The following FAM171A1 variants were observed in gnomAD, a reference collection of about 807,000 sequenced individuals.
The protein encoded by FAM171A1 is protein FAM171A1.
Under a neutral mutation model 74.9 loss-of-function variants are expected in FAM171A1, and 23 were observed. The ratio of observed to expected loss-of-function variants is 0.31; its 90% CI spans 0.22 to 0.44. The LOEUF (loss-of-function observed/expected upper bound fraction) is 0.44, where lower values mean the gene tolerates loss of function less well. Ranked by LOEUF, FAM171A1 falls within the 20% of genes least tolerant of loss-of-function variation. The pLI is 1.00. For synonymous variants in FAM171A1, 527 were observed against 505.7 expected, an observed-to-expected ratio of 1.04 and a Z score of -0.57; for missense variants, 1,162 against 1,159.2, an observed-to-expected ratio of 1.00 and a Z score of -0.03.
At chr10:15,332,907 TA>T (rs1296903194) in intron 1 of FAM171A1, among the ~76,000 whole-genome samples, 1 of 120,672 alleles carries the variant, frequency 8.3e-6, no homozygotes, top group Admixed American at 9.1e-5. Flanking sequence ...TATAATCTAT[TA>T]AAGGGTGTTC....
chr10:15,370,874 CCCG>C (rs564269771), intron 1 of FAM171A1, 79 bp downstream of exon 1: 3,205 of 648,968 alleles, frequency 4.9e-3, no homozygotes, highest in Non-Finnish European at 5.4e-3. Context: ...CCGGGACCCT[CCCG>C]CCGCCGCCGC....
At chr10:15,304,244 T>C (rs1835266861) in intron 1 of FAM171A1, among the ~76,000 whole-genome samples, 1 of 152,184 alleles carries the variant, frequency 6.6e-6, no homozygotes, top group East Asian at 1.9e-4. Context: ...ATTGTGTCTT[T>C]GTGTTCTCTA....
intron 5 of FAM171A1, among the ~76,000 whole-genome samples, chr10:15,233,555 T>TGC (rs1554832525): frequency 2.0e-5 from 3 of 149,154 alleles, no homozygotes; most frequent in African/African-American, 4.9e-5. Context: ...TGTGTGTGTG[T>TGC]GCATGTGTGT....
At position 15,274,643 on chromosome 10, in the gene FAM171A1, A is replaced by C. The variant is rs189296772; in HGVS notation, c.418+1212T>G. Among the ~76,000 whole-genome samples the C allele has an allele frequency of 4.7e-3, 718 of 152,340 alleles. 4 individuals carry two copies. Among genetic ancestry groups the C allele is most frequent in the African/African-American group, 0.015 (642 of 41,578 alleles). On this transcript the variant is annotated intron_variant, in intron 3 of 7. Transcript: ENST00000378116. ...CTACCTGACTTCAAACTATACTACA[A>C]GGTTACAGTAACCAAAACAGCATGG...
intron 5 of FAM171A1, among the ~76,000 whole-genome samples, chr10:15,237,020 G>C (rs1834300048): frequency 6.6e-6 from 1 of 152,196 alleles, no homozygotes; most frequent in Non-Finnish European, 1.5e-5. Context: ...TTGAACCTGG[G>C]AGGCAGAGTG....
chr10:15,323,622 A>G (rs1448545947), intron 1 of FAM171A1, among the ~76,000 whole-genome samples: 1 of 152,222 alleles, frequency 6.6e-6, no homozygotes, highest in Non-Finnish European at 1.5e-5. Context: ...ATAGAATTAG[A>G]AAAAGGGGAG....
At position 15,292,715 on chromosome 10, in the gene FAM171A1, G is replaced by T. The variant is rs7920015; in HGVS notation, c.98-8610C>A. Among the ~76,000 whole-genome samples the T allele has an allele frequency of 4.0e-3, 606 of 152,096 alleles. 4 individuals carry two copies. The highest frequency in any genetic ancestry group is 0.014 in the African/African-American group (563 of 41,492). On this transcript the variant is annotated intron_variant, in intron 1 of 7. Transcript: ENST00000378116. ...TGCCCGGGCTGGTCTTGAACTCCCG[G>T]ACTCAAGCAATCCACCCGTCTCGTC...
intron 4 of FAM171A1, among the ~76,000 whole-genome samples, chr10:15,253,285 T>A (rs1834533383): frequency 6.6e-6 from 1 of 152,200 alleles, no homozygotes; most frequent in Non-Finnish European, 1.5e-5. Context: ...ATTACAGGCA[T>A]GAGCCACCGC....
Position 15,330,713 on chromosome 10 carries a change from C to CTTTTT in FAM171A1, c.97+40238_97+40242dup, listed in dbSNP as rs898772126. Among the ~76,000 whole-genome samples the CTTTTT allele has an allele frequency of 9.9e-4, 76 of 76,756 alleles. 1 individual carries two copies. The highest frequency in any genetic ancestry group is 1.2e-3 in the Non-Finnish European group (54 of 44,418). The allele number at this position is 76,756 out of a possible 152,430, so 50.4% of individuals were successfully genotyped here. On this transcript the variant is annotated intron_variant, in intron 1 of 7. Transcript: ENST00000378116. Reference sequence around the variant, plus strand: ...TGAAGCATATTTTTTTCTTCTTCTTCTTTTTTTTTTTTTTTTTTTTTTGAG... The same window carrying CTTTTT: ...TGAAGCATATTTTTTTCTTCTTCTTCTTTTTTTTTTTTTTTTTTTTTTTTTTTGAG...
intron 3 of FAM171A1, among the ~76,000 whole-genome samples, chr10:15,263,893 ATCT>A (rs1564626743): frequency 7.4e-6 from 1 of 134,432 alleles, no homozygotes; most frequent in South Asian, 2.3e-4. Flanking sequence ...CTATCTATCT[ATCT>A]ATCTATCTAT....
At chr10:15,325,407 C>G (rs1036892011) in intron 1 of FAM171A1, among the ~76,000 whole-genome samples, 1 of 152,162 alleles carries the variant, frequency 6.6e-6, no homozygotes, top group African/African-American at 2.4e-5. Context: ...GCTTGGGAGG[C>G]TGAGGTGGGA....
intron 1 of FAM171A1, among the ~76,000 whole-genome samples, chr10:15,299,879 G>C (rs867944372): frequency 6.6e-6 from 1 of 152,096 alleles, no homozygotes; most frequent in Non-Finnish European, 1.5e-5. Flanking sequence ...TTGGGAGGCT[G>C]AGGCAGGAGA....
intron 5 of FAM171A1, among the ~76,000 whole-genome samples, chr10:15,231,202 T>G (rs917357426): frequency 1.3e-5 from 2 of 152,030 alleles, no homozygotes; most frequent in African/African-American, 4.8e-5. Context: ...AGAAGGCAAT[T>G]CTTATTTTAT....
At chr10:15,234,196 G>A (rs920954446) in intron 5 of FAM171A1, among the ~76,000 whole-genome samples, 2 of 151,574 alleles carry the variant, frequency 1.3e-5, no homozygotes, top group African/African-American at 4.8e-5. Context: ...AAAAAATCAT[G>A]TGTTAAGTGA....
intron 5 of FAM171A1, among the ~76,000 whole-genome samples, chr10:15,227,807 G>T (rs1588498715): frequency 6.6e-6 from 1 of 152,286 alleles, no homozygotes; most frequent in African/African-American, 2.4e-5. Flanking sequence ...AGCTGGCAAG[G>T]TTCACTGGGT....
At position 15,284,035 on chromosome 10, in the gene FAM171A1, G is replaced by C; in HGVS notation, c.168C>G (p.Ile56Met). The C allele has an allele frequency of 1.2e-6, 2 of 1,614,134 alleles. No individual in the cohort carries two copies. Among genetic ancestry groups the C allele is most frequent in the South Asian group, 2.2e-5 (2 of 91,086 alleles). Reference protein sequence around the residue: ...HQPVADALIEIFTNQASIASG... With the variant: ...HQPVADALIEMFTNQASIASG... ...AGGCTATGGAGGCCTGGTTGGTGAA[G>C]ATCTCGATGAGCGCATCTGCTACGG... The change falls in exon 2 of 8, where the codon ATC becomes ATG. Residue 56 changes from isoleucine to methionine, a missense_variant. Physicochemically the swap from Ile to Met is conservative, Grantham distance 10. Transcript: ENST00000378116.
intron 1 of FAM171A1, among the ~76,000 whole-genome samples, chr10:15,297,970 T>G (rs1835180858): frequency 6.6e-6 from 1 of 152,196 alleles, no homozygotes; most frequent in African/African-American, 2.4e-5. Context: ...TTGCTGGACT[T>G]ACCTGCTCCA....
chr10:15,247,075 G>A (rs1834443990), intron 5 of FAM171A1, among the ~76,000 whole-genome samples: 1 of 152,180 alleles, frequency 6.6e-6, no homozygotes, highest in South Asian at 2.1e-4. Flanking sequence ...TAAAGATTTA[G>A]CTAGAAAGAT....
rs764663082 is a variant in FAM171A1 at position 15,284,114 on chromosome 10, A to G, written c.98-9T>C. On this transcript the variant is annotated splice_polypyrimidine_tract_variant and intron_variant, in intron 1 of 7. Transcript: ENST00000378116. ...CACCTTTAACGTCACCTCTGGAGGTAGAGAAAGCACAAAGAACAGCTACTG... is the reference window on the plus strand; with the variant it reads ...CACCTTTAACGTCACCTCTGGAGGTGGAGAAAGCACAAAGAACAGCTACTG... The G allele has an allele frequency of 3.1e-6, 5 of 1,611,874 alleles. No individual in the cohort carries two copies. Among genetic ancestry groups the G allele is most frequent in the Admixed American group, 1.7e-5 (1 of 59,972 alleles).
Sources: gnomAD v4.1 joint callset for allele counts (sites outside exome capture counted in the v4.1 genomes callset) on GRCh38, gnomAD v4.1.1 for gene constraint, MANE v1.5 for transcripts, NCBI Gene and HGNC (gene_info 2026-07-23, HGNC 2026-07-21) for gene names.